RAB27B: variants seen among roughly 807,000 people sequenced by gnomAD.
RAB27B encodes ras-related protein Rab-27B.
Under a neutral mutation model 24.6 loss-of-function variants are expected in RAB27B, and 15 were observed. The observed-to-expected ratio is 0.61, with a 90% confidence interval of 0.41 to 0.94. RAB27B has a LOEUF of 0.94. Ranked by LOEUF, RAB27B falls within the 40% of genes least tolerant of loss-of-function variation. The probability of loss-of-function intolerance (pLI) is 0.00; values close to 1 mark genes in which losing one functional copy is unlikely to be tolerated. For synonymous variants in RAB27B, 105 were observed against 92.5 expected (o/e 1.14, Z -0.78); for missense variants, 261 against 266.8 (o/e 0.98, Z 0.15).
At chr18:54,739,021 G>A (rs1328821695) in intron 2 of RAB27B, among the ~76,000 whole-genome samples, 1 of 152,136 alleles carries the variant, frequency 6.6e-6, no homozygotes, top group African/African-American at 2.4e-5. Context: ...TTTGCCTTCT[G>A]TGGAATTACA....
At chr18:54,857,184 C>T (rs1911817489) in intron 1 of RAB27B, among the ~76,000 whole-genome samples, 1 of 152,152 alleles carries the variant, frequency 6.6e-6, no homozygotes, top group African/African-American at 2.4e-5. Flanking sequence ...AATGCCCAAC[C>T]TCATAAGGTC....
At chr18:54,731,689 C>CA (rs555513677) in intron 2 of RAB27B, among the ~76,000 whole-genome samples, 144 of 152,142 alleles carry the variant, frequency 9.5e-4, no homozygotes, top group African/African-American at 3.3e-3. Context: ...ATAACAACAA[C>CA]AAAAAAAGAA....
intron 2 of RAB27B, among the ~76,000 whole-genome samples, chr18:54,768,076 G>A (rs1050363409): frequency 5.3e-5 from 8 of 152,166 alleles, no homozygotes; most frequent in African/African-American, 1.7e-4. Flanking sequence ...ATGCAGAGGA[G>A]AGACAAGGAA....
intron 1 of RAB27B, among the ~76,000 whole-genome samples, chr18:54,861,094 C>T (rs529392330): frequency 6.6e-6 from 1 of 152,264 alleles, no homozygotes; most frequent in Admixed American, 6.5e-5. Flanking sequence ...TTCCCCACAT[C>T]TCAGGGAGGC....
chr18:54,875,541 GT>G (rs11339253), intron 1 of RAB27B, among the ~76,000 whole-genome samples: 9,654 of 25,566 alleles, frequency 0.38, 1,030 homozygotes, highest in African/African-American at 0.52. Flanking sequence ...CTTTGTCTAG[GT>G]TTTTTTTTTT....
chr18:54,753,964 T>C (rs1454686467), intron 2 of RAB27B, among the ~76,000 whole-genome samples: 1 of 152,156 alleles, frequency 6.6e-6, no homozygotes, highest in Non-Finnish European at 1.5e-5. Flanking sequence ...ACCAAGAAAA[T>C]GGTGCCCTGT....
intron 1 of RAB27B, among the ~76,000 whole-genome samples, chr18:54,858,027 A>G (rs573383010): frequency 1.0e-3 from 152 of 152,344 alleles, no homozygotes; most frequent in African/African-American, 3.6e-3. Context: ...AAAGTTTACA[A>G]CATCATAGTC....
chr18:54,769,448 T>G (rs2311209), intron 2 of RAB27B, among the ~76,000 whole-genome samples: 6 of 151,542 alleles, frequency 4.0e-5, no homozygotes, highest in Non-Finnish European at 8.8e-5. Context: ...TTGTCCATCT[T>G]GTTTTTTTGT....
intron 2 of RAB27B, among the ~76,000 whole-genome samples, chr18:54,782,922 ATT>A (rs1274626779): frequency 6.6e-6 from 1 of 151,998 alleles, no homozygotes; most frequent in Non-Finnish European, 1.5e-5. Flanking sequence ...GTCATTATGG[ATT>A]TCTTAGGATA....
intron 2 of RAB27B, among the ~76,000 whole-genome samples, chr18:54,820,610 CTTTAG>C (rs1910276575): frequency 6.6e-6 from 1 of 151,996 alleles, no homozygotes; most frequent in Non-Finnish European, 1.5e-5. Context: ...TGCAGAAGCT[CTTTAG>C]TTTAATTAGA....
At chr18:54,759,624 A>T (rs1016540986) in intron 2 of RAB27B, among the ~76,000 whole-genome samples, 2 of 152,234 alleles carry the variant, frequency 1.3e-5, no homozygotes, top group Non-Finnish European at 2.9e-5. Context: ...GCCTAAAGTG[A>T]GAATGTGCAT....
chr18:54,884,476 C>A, intron 4 of RAB27B, 40 bp downstream of exon 4: 1 of 1,332,418 alleles, frequency 7.5e-7, no homozygotes, highest in Non-Finnish European at 1.1e-6. Context: ...CGCTTTGGGA[C>A]TCAACTGCCT....
chr18:54,786,948 G>C (rs1909105802), intron 2 of RAB27B, among the ~76,000 whole-genome samples: 1 of 152,206 alleles, frequency 6.6e-6, no homozygotes, highest in South Asian at 2.1e-4. Flanking sequence ...ATAAAGTTCT[G>C]TTTTGCCTGT....
chr18:54,810,208 A>G (rs1191814575), intron 2 of RAB27B, among the ~76,000 whole-genome samples: 2 of 152,116 alleles, frequency 1.3e-5, no homozygotes, highest in African/African-American at 2.4e-5. Context: ...TTTTGTGTGT[A>G]TATTTTCTTG....
intron 2 of RAB27B, among the ~76,000 whole-genome samples, chr18:54,801,773 A>T (rs1475698330): frequency 2.0e-5 from 3 of 152,200 alleles, no homozygotes; most frequent in Non-Finnish European, 4.4e-5. Flanking sequence ...CACTGTGAGA[A>T]CCACTGCCTT....
chr18:54,826,066 T>C (rs1294552384), upstream of RAB27B, among the ~76,000 whole-genome samples: 5 of 152,262 alleles, frequency 3.3e-5, no homozygotes, highest in African/African-American at 1.2e-4. Context: ...TATCTGCTTA[T>C]TTGTCTTTGT....
intron 2 of RAB27B, among the ~76,000 whole-genome samples, chr18:54,732,097 G>A (rs1909749896): frequency 6.6e-6 from 1 of 152,152 alleles, no homozygotes; most frequent in African/African-American, 2.4e-5. Flanking sequence ...GTCTTGGCAA[G>A]AAGAAAACTC....
At chr18:54,864,887 C>T (rs1047685103) in intron 1 of RAB27B, among the ~76,000 whole-genome samples, 1 of 152,070 alleles carries the variant, frequency 6.6e-6, no homozygotes, top group African/African-American at 2.4e-5. Flanking sequence ...TATTCTGTGT[C>T]CCTTTCATTT....
At chr18:54,835,404 G>T (rs1186525690) in intron 1 of RAB27B, among the ~76,000 whole-genome samples, 1 of 151,872 alleles carries the variant, frequency 6.6e-6, no homozygotes, top group East Asian at 1.9e-4. Flanking sequence ...TAACTGTATG[G>T]AAACTGTAAT....
Sources: allele counts gnomAD v4.1 joint callset (sites outside exome capture counted in the v4.1 genomes callset), GRCh38; gene constraint gnomAD v4.1.1; transcripts MANE v1.5; gene names NCBI Gene and HGNC (gene_info 2026-07-23, HGNC 2026-07-21).